Variants in TMEM170A observed in about 807,000 individuals in gnomAD.
The protein encoded by TMEM170A is transmembrane protein 170.
In TMEM170A, 18 loss-of-function variants were observed where a neutral mutation model predicts 12.8. The observed-to-expected ratio is 1.41, with a 90% confidence interval of 0.97 to 2.09. The LOEUF is 2.09. Ranked by LOEUF, TMEM170A falls within the 30% of genes most tolerant of loss-of-function variation. The pLI is 0.00. For missense variants in TMEM170A, 220 were observed against 179.9 expected (o/e 1.22, Z -1.28); for synonymous variants, 107 against 76.2 (o/e 1.40, Z -2.11).
chr16:75,464,334 GC>G (rs569745561), intron 1 of TMEM170A, 133 bp downstream of exon 1: 7 of 1,396,412 alleles, frequency 5.0e-6, no homozygotes, highest in Admixed American at 3.6e-5. Context: ...GAGCAGCACG[GC>G]CCCCCTCCCG....
At chr16:75,450,850 TG>T (rs1244481397) in intron 2 of TMEM170A, among the ~76,000 whole-genome samples, 4 of 152,068 alleles carry the variant, frequency 2.6e-5, no homozygotes. Flanking sequence ...TTTGTAGAGA[TG>T]GGGTCTTGCT....
At chr16:75,461,730 CT>C (rs2079911589) in intron 1 of TMEM170A, among the ~76,000 whole-genome samples, 1 of 152,030 alleles carries the variant, frequency 6.6e-6, no homozygotes, top group South Asian at 2.1e-4. Context: ...CTCATACCTG[CT>C]CATAACACCA....
At position 75,445,650 on chromosome 16, in the gene TMEM170A, A is replaced by C. The variant is rs1179301994; in HGVS notation, c.*1908T>G. The C allele has an allele frequency of 1.3e-5, 2 of 151,716 alleles. No homozygotes were observed. The highest frequency in any genetic ancestry group is 2.9e-5 in the Non-Finnish European group (2 of 67,958). The allele number at this position is 151,716 out of a possible 1,614,324, so 9.4% of individuals were successfully genotyped here. A position where few individuals can be genotyped will look rare whatever the true frequency, so the allele number is the denominator to read the frequency against. On this transcript the variant is annotated 3_prime_UTR_variant, in exon 3 of 3. Coordinates refer to ENST00000561878, the MANE Select transcript of TMEM170A (RefSeq NM_145254.3). ...TGTCCAGTTTTTGTGATCTCTTTGT[A>C]ATTCTTTTCTATGAGTTTCCCTGGC...
chr16:75,453,341 G>A (rs541257445), intron 1 of TMEM170A, among the ~76,000 whole-genome samples: 1 of 152,280 alleles, frequency 6.6e-6, no homozygotes, highest in Admixed American at 6.5e-5. Context: ...GGCTGAGGTG[G>A]GAGGATTGCT....
chr16:75,453,239 G>C (rs562005545), intron 1 of TMEM170A, among the ~76,000 whole-genome samples: 24 of 152,298 alleles, frequency 1.6e-4, no homozygotes, highest in African/African-American at 5.8e-4. Flanking sequence ...TTTGAGACTA[G>C]CTTGGGCAAT....
chr16:75,451,017 G>T (rs1235180275), intron 2 of TMEM170A, among the ~76,000 whole-genome samples: 1 of 152,124 alleles, frequency 6.6e-6, no homozygotes, highest in Non-Finnish European at 1.5e-5. Flanking sequence ...ACACCCACAT[G>T]AGTGGAAGTA....
intron 1 of TMEM170A, among the ~76,000 whole-genome samples, chr16:75,453,473 T>C (rs979479172): frequency 8.5e-5 from 13 of 152,122 alleles, no homozygotes; most frequent in Non-Finnish European, 1.0e-4. Flanking sequence ...ACAAAAATAA[T>C]TCCCCCATAA....
At chr16:75,463,080 AAG>A (rs2079936390) in intron 1 of TMEM170A, among the ~76,000 whole-genome samples, 1 of 152,142 alleles carries the variant, frequency 6.6e-6, no homozygotes, top group African/African-American at 2.4e-5. Context: ...GAGAGAGAGA[AAG>A]AGAAACAGAA....
intron 1 of TMEM170A, among the ~76,000 whole-genome samples, chr16:75,462,723 C>T (rs891402655): frequency 5.3e-5 from 8 of 152,088 alleles, no homozygotes; most frequent in African/African-American, 1.9e-4. Context: ...CTAAATGAAA[C>T]TAAAGAGACG....
chr16:75,462,877 GT>G (rs1262808520), intron 1 of TMEM170A, among the ~76,000 whole-genome samples: 1 of 152,192 alleles, frequency 6.6e-6, no homozygotes, highest in Non-Finnish European at 1.5e-5. Flanking sequence ...TTTCTTGGAT[GT>G]GATATGGTTT....
chr16:75,464,207 G>C, intron 1 of TMEM170A: 1 of 1,506,284 alleles, frequency 6.6e-7, no homozygotes, highest in Non-Finnish European at 8.8e-7. Flanking sequence ...GGTGGCGGCC[G>C]AGCGCCCTCC....
Position 75,443,522 on chromosome 16 carries a change from T to C in TMEM170A, c.*4036A>G, listed in dbSNP as rs905731940. ...AATGGTTACTTAGGGAAGGTTGATATGTGCTGCAGCATAATAGGAACTTAA... is the reference window on the plus strand; with the variant it reads ...AATGGTTACTTAGGGAAGGTTGATACGTGCTGCAGCATAATAGGAACTTAA... On this transcript the variant is annotated 3_prime_UTR_variant, in exon 3 of 3. Coordinates refer to ENST00000561878, the MANE Select transcript of TMEM170A (RefSeq NM_145254.3). 4.6e-5 allele frequency: 7 copies of C among 152,164 alleles called. No individual in the cohort carries two copies. The highest frequency in any genetic ancestry group is 1.7e-4 in the African/African-American group (7 of 41,442). The allele number at this position is 152,164 out of a possible 1,614,324, so 9.4% of individuals were successfully genotyped here.
At chr16:75,454,772 GA>G (rs1179125010) in intron 1 of TMEM170A, among the ~76,000 whole-genome samples, 7 of 152,194 alleles carry the variant, frequency 4.6e-5, no homozygotes, top group South Asian at 2.1e-4. Flanking sequence ...CGGTTGTCAT[GA>G]CATTATTCCA....
rs1038391787 is a variant in TMEM170A at position 75,464,630 on chromosome 16, G to A, written c.-30C>T. The stretch of plus-strand genomic sequence containing the variant: ...TCGCCATTCACCACAGAGAAATGAG[G>A]GACGAGCGCCCGAAGTGCGGTAGCG... On this transcript the variant is annotated 5_prime_UTR_variant, in exon 1 of 3. Transcript: ENST00000561878. 3 of 1,560,508 alleles carry A rather than the reference G, an allele frequency of 1.9e-6. No homozygotes were observed. Among genetic ancestry groups the A allele is most frequent in the East Asian group, 2.6e-5 (1 of 38,366 alleles).
intron 1 of TMEM170A, chr16:75,464,240 G>C: frequency 6.7e-7 from 1 of 1,502,436 alleles, no homozygotes; most frequent in Admixed American, 2.1e-5. Context: ...ACCTGCGGCC[G>C]CTCTCTGCAT....
intron 1 of TMEM170A, among the ~76,000 whole-genome samples, chr16:75,463,008 A>G (rs1567706365): frequency 6.6e-6 from 1 of 152,216 alleles, no homozygotes; most frequent in Non-Finnish European, 1.5e-5. Flanking sequence ...TGTGACCTAC[A>G]TCTAAGTGTG....
rs534036672 is a variant in TMEM170A, at chr16:75,456,591, A to C, written c.134-4752T>G. Among the ~76,000 whole-genome samples the C allele has an allele frequency of 5.9e-5, 9 of 152,168 alleles. No homozygotes were observed. In the South Asian group the frequency reaches 1.5e-3, roughly 25 times the overall value. On this transcript the variant is annotated intron_variant, in intron 1 of 2. Transcript: ENST00000561878. ...TTTCAGCCCCCACCTCTTCCACAAC[A>C]AACCCATATCCTCCTGCAGTTTCTC...
Position 75,464,304 on chromosome 16 carries a change from T to G in TMEM170A, c.133+164A>C. The G allele has an allele frequency of 5.4e-6, 8 of 1,476,442 alleles. No individual in the cohort carries two copies. The South Asian group carries it at 1.0e-4, about 19-fold the overall frequency. The allele number at this position is 1,476,442 out of a possible 1,614,324, so 91.5% of individuals were successfully genotyped here. A position where few individuals can be genotyped will look rare whatever the true frequency, so the allele number is the denominator to read the frequency against. The stretch of plus-strand genomic sequence containing the variant: ...GCCTCAGGGACCGCCGAAGAAGTGA[T>G]GGGGAAAGGGGCTCCGGGCGAGCAG... On this transcript the variant is annotated intron_variant, in intron 1 of 2. Coordinates refer to ENST00000561878, the MANE Select transcript of TMEM170A (RefSeq NM_145254.3).
At chr16:75,455,356 CAAA>C (rs59205915) in intron 1 of TMEM170A, among the ~76,000 whole-genome samples, 2 of 110,802 alleles carry the variant, frequency 1.8e-5, no homozygotes, top group East Asian at 2.4e-4. Context: ...GACACTGTCT[CAAA>C]AAAAAAAAAA....
Sources: gnomAD v4.1 joint callset for allele counts (sites outside exome capture counted in the v4.1 genomes callset) on GRCh38, gnomAD v4.1.1 for gene constraint, MANE v1.5 for transcripts, NCBI Gene and HGNC (gene_info 2026-07-23, HGNC 2026-07-21) for gene names.